THSD7A: variants seen among roughly 807,000 people sequenced by gnomAD.
THSD7A encodes thrombospondin type 1 domain containing 7A.
THSD7A carries 96 observed loss-of-function variants against 231.3 expected under a neutral mutation model. That is an observed-to-expected ratio of 0.41 (90% CI 0.35 to 0.49). The LOEUF (loss-of-function observed/expected upper bound fraction) is 0.49. THSD7A is among the 20% of genes least tolerant of loss of function. The pLI is 0.05. For synonymous variants in THSD7A, 940 were observed against 743.3 expected (o/e 1.26, Z -4.30); for missense variants, 2,290 against 2,070.2 (o/e 1.11, Z -2.06).
intron 4 of THSD7A, among the ~76,000 whole-genome samples, chr7:11,581,469 A>G (rs1791161553): frequency 6.6e-6 from 1 of 152,076 alleles, no homozygotes; most frequent in African/African-American, 2.4e-5. Flanking sequence ...TTTCTTTGCC[A>G]ATGTCATTTT....
intron 1 of THSD7A, among the ~76,000 whole-genome samples, chr7:11,803,305 A>C (rs1360183720): frequency 6.6e-6 from 1 of 152,216 alleles, no homozygotes; most frequent in Non-Finnish European, 1.5e-5. Context: ...AGTGAGGCTT[A>C]GAAAAATTAA....
intron 1 of THSD7A, among the ~76,000 whole-genome samples, chr7:11,743,890 G>A (rs1012917027): frequency 2.6e-5 from 4 of 151,908 alleles, no homozygotes; most frequent in Admixed American, 2.6e-4. Flanking sequence ...TCATAGCAAT[G>A]TACTTGAACA....
chr7:11,508,531 T>C (rs1254499332), intron 6 of THSD7A, among the ~76,000 whole-genome samples: 1 of 152,214 alleles, frequency 6.6e-6, no homozygotes, highest in African/African-American at 2.4e-5. Context: ...TGAGAAATGA[T>C]ATGGCGGTTC....
rs1352075265 is a variant in THSD7A at position 11,444,419 on chromosome 7, T to C, written c.3064+1642A>G. 6.6e-6 allele frequency among the ~76,000 whole-genome samples: 1 copy of C among 151,950 alleles called. No homozygotes were observed. The highest frequency in any genetic ancestry group is 2.4e-5 in the African/African-American group (1 of 41,374). On this transcript the variant is annotated intron_variant, in intron 13 of 27. Transcript: ENST00000423059. This position sits in a 1 kb window ranked among gnomAD's most constrained non-coding sequence, Gnocchi z 4.2. ...CCAACCCAAATGCTCATCAATGATA[T>C]ACTGGATAAAGAAAATGTGGCACAT...
chr7:11,782,414 T>C (rs773310295), intron 1 of THSD7A, among the ~76,000 whole-genome samples: 2 of 152,078 alleles, frequency 1.3e-5, no homozygotes, highest in African/African-American at 2.4e-5. Context: ...CACATACACA[T>C]ACACACATGA....
At chr7:11,778,756 G>A (rs1783528133) in intron 1 of THSD7A, among the ~76,000 whole-genome samples, 2 of 152,064 alleles carry the variant, frequency 1.3e-5, no homozygotes, top group South Asian at 2.1e-4. Flanking sequence ...ATATGAATAT[G>A]AAGTTCATAT....
chr7:11,803,589 A>G (rs1215088101), intron 1 of THSD7A, among the ~76,000 whole-genome samples: 2 of 152,180 alleles, frequency 1.3e-5, no homozygotes. Flanking sequence ...GGGCACAGAT[A>G]TACTCATTTA....
At chr7:11,680,016 T>C (rs146896459) in intron 1 of THSD7A, among the ~76,000 whole-genome samples, 2 of 150,986 alleles carry the variant, frequency 1.3e-5, no homozygotes, top group South Asian at 2.1e-4. Context: ...CAATGGAACG[T>C]AACAGAGGCC....
At position 11,375,678 on chromosome 7, in the gene THSD7A, A is replaced by T. The variant is rs1288193667; in HGVS notation, c.*116T>A. The T allele has an allele frequency of 1.2e-6, 1 of 846,088 alleles. No homozygotes were observed. Among genetic ancestry groups the T allele is most frequent in the South Asian group, 1.8e-5 (1 of 55,366 alleles). The allele number at this position is 846,088 out of a possible 1,614,324, so 52.4% of individuals were successfully genotyped here. A position where few individuals can be genotyped will look rare whatever the true frequency, so the allele number is the denominator to read the frequency against. ...TTTTCACTCTTGTCTTTATGATGCC[A>T]TTTTTAAAAATTAAAATATATTTTA... On this transcript the variant is annotated 3_prime_UTR_variant, in exon 28 of 28. Transcript: ENST00000423059.
chr7:11,447,599 A>G (rs770280913), intron 11 of THSD7A, among the ~76,000 whole-genome samples, 175 bp from the exon 12 acceptor site: 1 of 152,112 alleles, frequency 6.6e-6, no homozygotes, highest in Non-Finnish European at 1.5e-5. Context: ...TAAATTGGTT[A>G]TTTTTAAAAA....
At chr7:11,563,497 T>G (rs1470572493) in intron 4 of THSD7A, among the ~76,000 whole-genome samples, 1 of 152,078 alleles carries the variant, frequency 6.6e-6, no homozygotes, top group Non-Finnish European at 1.5e-5. Flanking sequence ...GTAGCTGGGA[T>G]TACAGGTACA....
chr7:11,568,808 T>C (rs565696680), intron 4 of THSD7A, among the ~76,000 whole-genome samples: 8 of 151,910 alleles, frequency 5.3e-5, no homozygotes, highest in African/African-American at 1.7e-4. Context: ...GATGGCATGA[T>C]TGTATATATA....
intron 1 of THSD7A, among the ~76,000 whole-genome samples, chr7:11,684,813 G>T (rs539793803): frequency 6.6e-6 from 1 of 152,060 alleles, no homozygotes; most frequent in South Asian, 2.1e-4. Flanking sequence ...GCAATCTACA[G>T]ATTCTAAGCA....
intron 1 of THSD7A, among the ~76,000 whole-genome samples, chr7:11,737,253 A>G (rs1201383272): frequency 6.6e-6 from 1 of 151,998 alleles, no homozygotes; most frequent in Non-Finnish European, 1.5e-5. Context: ...GTCAGATCAG[A>G]CTGAGAGAAC....
At chr7:11,758,039 A>ATATATATAT (rs1583264005) in intron 1 of THSD7A, among the ~76,000 whole-genome samples, 7 of 142,564 alleles carry the variant, frequency 4.9e-5, no homozygotes, top group Admixed American at 7.1e-5. Context: ...ATATATATAT[A>ATATATATAT]ATGTTTCACT....
chr7:11,551,886 A>G (rs974611353), intron 4 of THSD7A, among the ~76,000 whole-genome samples: 12 of 152,130 alleles, frequency 7.9e-5, no homozygotes, highest in African/African-American at 2.4e-4. Context: ...ATAAAGACAT[A>G]TGCATGCATA....
At chr7:11,752,971 A>G (rs1045457582) in intron 1 of THSD7A, among the ~76,000 whole-genome samples, 1 of 151,984 alleles carries the variant, frequency 6.6e-6, no homozygotes, top group African/African-American at 2.4e-5. Context: ...ATTTCTAAAA[A>G]TATTTAACTC....
intron 2 of THSD7A, among the ~76,000 whole-genome samples, chr7:11,631,106 C>T (rs1781632154): frequency 6.6e-6 from 1 of 152,298 alleles, no homozygotes; most frequent in Non-Finnish European, 1.5e-5. Context: ...TTCCCTGTGT[C>T]TTGCCCTTCC....
intron 23 of THSD7A, among the ~76,000 whole-genome samples, chr7:11,399,571 C>A (rs1162481005): frequency 6.6e-6 from 1 of 152,158 alleles, no homozygotes; most frequent in East Asian, 1.9e-4. Context: ...TGCTCATCAT[C>A]ACTGGCCATC....
Sources: allele counts gnomAD v4.1 joint callset (sites outside exome capture counted in the v4.1 genomes callset), GRCh38; gene constraint gnomAD v4.1.1; non-coding constraint Gnocchi (gnomAD v3.1); transcripts MANE v1.5; gene names NCBI Gene and HGNC (gene_info 2026-07-23, HGNC 2026-07-21).